RUNX1: variants seen among roughly 807,000 people sequenced by gnomAD.
The protein encoded by RUNX1 is runt-related transcription factor 1.
RUNX1 carries 19 observed loss-of-function variants against 42.8 expected under a neutral mutation model. The ratio of observed to expected loss-of-function variants is 0.44; its 90% CI spans 0.31 to 0.65. The LOEUF (loss-of-function observed/expected upper bound fraction) is 0.65, where lower values mean the gene tolerates loss of function less well. Ranked by LOEUF, RUNX1 falls within the 30% of genes least tolerant of loss-of-function variation. The probability of loss-of-function intolerance (pLI) is 0.07; values close to 1 mark genes in which losing one functional copy is unlikely to be tolerated. For synonymous variants in RUNX1, 271 were observed against 289.4 expected (o/e 0.94, Z 0.64); for missense variants, 528 against 672.0 (o/e 0.79, Z 2.37).
At position 34,788,220 on chromosome 21, in the gene RUNX1, GT is replaced by G. The variant is rs2056392443; in HGVS notation, c.*3914del. On this transcript the variant is annotated 3_prime_UTR_variant, in exon 9 of 9. Transcript: ENST00000675419. Reference sequence around the variant, plus strand: ...TAACTGCCACACAAATAGACCCTAGGTGGGGGCTGGCTTAAATAGGACCACA... The same window carrying G: ...TAACTGCCACACAAATAGACCCTAGGGGGGGCTGGCTTAAATAGGACCACA... 4.3e-6 allele frequency: 1 copy of G among 233,566 alleles called. No homozygotes were observed. The highest frequency in any genetic ancestry group is 8.5e-6 in the Non-Finnish European group (1 of 118,070). 14.5% of individuals were successfully genotyped at this position (233,566 alleles called of 1,614,324 possible).
intron 2 of RUNX1, among the ~76,000 whole-genome samples, chr21:35,002,857 A>G (rs923442769): frequency 2.0e-5 from 3 of 152,212 alleles, no homozygotes; most frequent in Non-Finnish European, 4.4e-5. Context: ...CAAGATAAAT[A>G]TTTATCAAAT....
intron 2 of RUNX1, among the ~76,000 whole-genome samples, chr21:35,010,534 G>A (rs1369520334): frequency 6.6e-6 from 1 of 151,840 alleles, no homozygotes; most frequent in African/African-American, 2.4e-5. Context: ...ATGCTACTTG[G>A]TAGAGAGTGA....
intron 6 of RUNX1, among the ~76,000 whole-genome samples, chr21:34,835,734 T>C (rs1295529163): frequency 2.0e-5 from 3 of 152,186 alleles, no homozygotes; most frequent in Non-Finnish European, 4.4e-5. Flanking sequence ...ACAACCTCTG[T>C]TCCCTATTGC....
At chr21:34,967,283 G>A (rs1368097623) in intron 2 of RUNX1, among the ~76,000 whole-genome samples, 1 of 111,966 alleles carries the variant, frequency 8.9e-6, no homozygotes, top group Non-Finnish European at 1.7e-5. Flanking sequence ...TCGCATCATT[G>A]CACTCCAGCC....
intron 7 of RUNX1, among the ~76,000 whole-genome samples, chr21:34,811,513 C>T (rs2056758319): frequency 6.6e-6 from 1 of 152,246 alleles, no homozygotes; most frequent in Non-Finnish European, 1.5e-5. Flanking sequence ...GCCCTCTGAC[C>T]TGGCCGCTGC....
At chr21:34,910,357 C>T (rs1478464064) in intron 2 of RUNX1, among the ~76,000 whole-genome samples, 1 of 152,064 alleles carries the variant, frequency 6.6e-6, no homozygotes, top group Non-Finnish European at 1.5e-5. Flanking sequence ...ATAGAAACTC[C>T]AGCAATGAAG....
chr21:34,964,403 G>A (rs1436997695), intron 2 of RUNX1, among the ~76,000 whole-genome samples: 1 of 151,264 alleles, frequency 6.6e-6, no homozygotes, highest in African/African-American at 2.4e-5. Flanking sequence ...CAGGAGAACC[G>A]CTTGAACCCG....
chr21:34,954,789 C>T (rs2146681982), intron 2 of RUNX1, among the ~76,000 whole-genome samples: 1 of 152,236 alleles, frequency 6.6e-6, no homozygotes, highest in South Asian at 2.1e-4. Context: ...GAGATTCTCG[C>T]AGAGGAGAAG....
intron 6 of RUNX1, among the ~76,000 whole-genome samples, chr21:34,849,334 A>ATATATAT (rs1157330306): frequency 3.4e-5 from 1 of 29,686 alleles, no homozygotes; most frequent in African/African-American, 1.1e-4. Flanking sequence ...TATATATACT[A>ATATATAT]TATATATTAT....
In RUNX1 at chr21:34,795,443, G is replaced by A. The variant is rs139525997; in HGVS notation, c.968-2833C>T. On this transcript the variant is annotated intron_variant, in intron 8 of 8. Coordinates refer to ENST00000675419, the MANE Select transcript of RUNX1 (RefSeq NM_001754.5). ...AAATGAACTCCTCTGTACCTTTGGGGTGAATGTGATGAGGGGATACACTCC... is the reference window on the plus strand; with the variant it reads ...AAATGAACTCCTCTGTACCTTTGGGATGAATGTGATGAGGGGATACACTCC... Among the ~76,000 whole-genome samples, 238 of 152,216 alleles carry A rather than the reference G, an allele frequency of 1.6e-3. 3 individuals are homozygous for A. Among genetic ancestry groups the A allele is most frequent in the African/African-American group, 5.5e-3 (229 of 41,522 alleles).
At chr21:34,934,025 A>G (rs1333383050) in intron 2 of RUNX1, among the ~76,000 whole-genome samples, 1 of 152,120 alleles carries the variant, frequency 6.6e-6, no homozygotes, top group Admixed American at 6.6e-5. Flanking sequence ...TGAACTTTTG[A>G]TCAATGAGAG....
chr21:34,977,739 C>T (rs143165588), intron 2 of RUNX1, among the ~76,000 whole-genome samples: 68 of 152,286 alleles, frequency 4.5e-4, no homozygotes, highest in African/African-American at 1.6e-3. Context: ...AATGACTTGG[C>T]TGTAAACCTG....
At position 34,843,688 on chromosome 21, in the gene RUNX1, C is replaced by T. The variant is rs927532470; in HGVS notation, c.614-9087G>A. Among the ~76,000 whole-genome samples, 7 of 152,014 alleles carry T rather than the reference C, an allele frequency of 4.6e-5. No individual in the cohort carries two copies. Among genetic ancestry groups the T allele is most frequent in the Non-Finnish European group, 5.9e-5 (4 of 67,980 alleles). ...GGCCTGCCCCTCCCCAGCCCCCCTG[C>T]ACCATGCGCCCAAGACTCACGGGAC... On this transcript the variant is annotated intron_variant, in intron 6 of 8. Transcript: ENST00000675419. The surrounding 1 kb of genome is among the most constrained non-coding windows in gnomAD (Gnocchi z 4.8).
chr21:34,800,024 T>C (rs192519454), intron 7 of RUNX1, among the ~76,000 whole-genome samples: 23 of 152,290 alleles, frequency 1.5e-4, no homozygotes, highest in African/African-American at 5.3e-4. Context: ...AAGGTCTGGC[T>C]GGGAAACCGG....
At chr21:34,962,729 T>C (rs2058690385) in intron 2 of RUNX1, among the ~76,000 whole-genome samples, 2 of 152,366 alleles carry the variant, frequency 1.3e-5, no homozygotes, top group South Asian at 4.1e-4. Context: ...GCATTCGCGT[T>C]GCAATCATTT....
intron 2 of RUNX1, among the ~76,000 whole-genome samples, chr21:34,946,573 T>C (rs1194667554): frequency 6.6e-6 from 1 of 151,958 alleles, no homozygotes; most frequent in African/African-American, 2.4e-5. Context: ...TCATGTGCTA[T>C]ATAAAAAAAA....
intron 5 of RUNX1, among the ~76,000 whole-genome samples, chr21:34,876,419 T>C (rs1256569287): frequency 1.3e-5 from 2 of 152,242 alleles, no homozygotes; most frequent in Non-Finnish European, 2.9e-5. Context: ...GGCATAGGGC[T>C]AAGCTGGCCC....
rs552743079 is a variant in RUNX1, at chr21:34,865,486, T to C, written c.509-5908A>G. Among the ~76,000 whole-genome samples, 3 of 152,276 alleles carry C rather than the reference T, an allele frequency of 2.0e-5. No homozygotes were observed. In the South Asian group the frequency reaches 6.2e-4, roughly 32 times the overall value. ...CCAGTGCTCCTCACTGCAACATGTGTTGTCTCCCTCGACGCCAGTGTGTCC... is the reference window on the plus strand; with the variant it reads ...CCAGTGCTCCTCACTGCAACATGTGCTGTCTCCCTCGACGCCAGTGTGTCC... On this transcript the variant is annotated intron_variant, in intron 5 of 8. Transcript: ENST00000675419.
At chr21:34,857,808 G>C (rs1275803587) in intron 6 of RUNX1, among the ~76,000 whole-genome samples, 1 of 152,182 alleles carries the variant, frequency 6.6e-6, no homozygotes, top group Non-Finnish European at 1.5e-5. Context: ...GGAATGTCCA[G>C]GTTGACATTC....
Sources: gnomAD v4.1 joint callset for allele counts (sites outside exome capture counted in the v4.1 genomes callset) on GRCh38, gnomAD v4.1.1 for gene constraint, Gnocchi (gnomAD v3.1) non-coding constraint, MANE v1.5 for transcripts, NCBI Gene and HGNC (gene_info 2026-07-23, HGNC 2026-07-21) for gene names.